The following STAG1 variants were observed in gnomAD, a reference collection of about 807,000 sequenced individuals.
STAG1 encodes the protein cohesin subunit SA-1.
Under a neutral mutation model 170.9 loss-of-function variants are expected in STAG1, and 26 were observed. The ratio of observed to expected loss-of-function variants is 0.15; its 90% confidence interval spans 0.11 to 0.21. STAG1 has a LOEUF of 0.21. STAG1 is among the 10% of genes least tolerant of loss of function. The probability of loss-of-function intolerance (pLI) is 1.00; values close to 1 mark genes in which losing one functional copy is unlikely to be tolerated. For synonymous variants in STAG1, 514 were observed against 497.7 expected, an observed-to-expected ratio of 1.03 and a Z score of -0.44; for missense variants, 964 against 1,509.5, an observed-to-expected ratio of 0.64 and a Z score of 5.99.
At chr3:136,596,146 G>A (rs1397504782) in intron 4 of STAG1, among the ~76,000 whole-genome samples, 1 of 152,184 alleles carries the variant, frequency 6.6e-6, no homozygotes, top group Non-Finnish European at 1.5e-5. Context: ...GGGTTTGAGA[G>A]GACTTCCTCC....
chr3:136,387,078 C>T (rs751907616), intron 22 of STAG1, among the ~76,000 whole-genome samples: 5 of 152,132 alleles, frequency 3.3e-5, no homozygotes, highest in Admixed American at 1.3e-4. Context: ...TAGGCAAATA[C>T]GTTTTTCTAA....
At chr3:136,444,861 A>AT (rs910078054) in intron 14 of STAG1, among the ~76,000 whole-genome samples, 6 of 151,094 alleles carry the variant, frequency 4.0e-5, no homozygotes, top group Non-Finnish European at 5.9e-5. Flanking sequence ...CTTCAGTGTG[A>AT]TTTTTTTTTC....
At chr3:136,389,101 T>G (rs1040601873) in intron 22 of STAG1, among the ~76,000 whole-genome samples, 2 of 152,168 alleles carry the variant, frequency 1.3e-5, no homozygotes, top group African/African-American at 4.8e-5. Context: ...TCTGATAAGC[T>G]TAGTGAAAAC....
chr3:136,531,369 A>G (rs1206068281), intron 6 of STAG1, among the ~76,000 whole-genome samples: 1 of 151,304 alleles, frequency 6.6e-6, no homozygotes, highest in Non-Finnish European at 1.5e-5. Flanking sequence ...TCAGGGATCT[A>G]GAACTGGAAA....
At chr3:136,341,399 A>G (rs767706048) in intron 31 of STAG1, 42 bp downstream of exon 31, 2 of 1,285,826 alleles carry the variant, frequency 1.6e-6, no homozygotes, top group East Asian at 4.6e-5. Context: ...GATGGGCATC[A>G]CATAGTTGTT....
intron 22 of STAG1, among the ~76,000 whole-genome samples, chr3:136,389,171 C>T (rs2086944222): frequency 6.6e-6 from 1 of 152,152 alleles, no homozygotes; most frequent in Admixed American, 6.6e-5. Flanking sequence ...TGCCTTGTTA[C>T]TTAGATCATG....
intron 7 of STAG1, among the ~76,000 whole-genome samples, chr3:136,516,731 A>G (rs1030820580): frequency 1.1e-4 from 16 of 152,362 alleles, no homozygotes; most frequent in Non-Finnish European, 1.6e-4. Context: ...TCATTAAAGA[A>G]TAATAGAATA....
intron 1 of STAG1, among the ~76,000 whole-genome samples, chr3:136,659,010 T>G (rs1219636484): frequency 6.6e-6 from 1 of 152,180 alleles, no homozygotes; most frequent in Non-Finnish European, 1.5e-5. Flanking sequence ...ATCTAATTCA[T>G]GTAACCAGAG....
In STAG1 at chr3:136,433,676, T is replaced by C; in HGVS notation, c.1547-17A>G. Reference sequence around the variant, plus strand: ...CAGACATTGCTAAGGTAAAACAAAATACATGAGCATGAGTAGACAGTTTTA... The same window carrying C: ...CAGACATTGCTAAGGTAAAACAAAACACATGAGCATGAGTAGACAGTTTTA... On this transcript the variant is annotated splice_polypyrimidine_tract_variant and intron_variant, in intron 15 of 33. Coordinates refer to ENST00000383202, the MANE Select transcript of STAG1 (RefSeq NM_005862.3). The C allele has an allele frequency of 6.5e-7, 1 of 1,546,720 alleles. No homozygotes were observed. Among genetic ancestry groups the C allele is most frequent in the East Asian group, 2.3e-5 (1 of 44,188 alleles).
chr3:136,607,780 G>A (rs1473551477), intron 3 of STAG1, among the ~76,000 whole-genome samples: 2 of 152,216 alleles, frequency 1.3e-5, no homozygotes, highest in Non-Finnish European at 2.9e-5. Flanking sequence ...TGGCTCCCAA[G>A]TCCTTATGAC....
chr3:136,621,266 A>G (rs868397221), intron 3 of STAG1, among the ~76,000 whole-genome samples: 3 of 152,248 alleles, frequency 2.0e-5, no homozygotes, highest in African/African-American at 7.2e-5. Context: ...AGTTTCTTTA[A>G]GGAGACAGTA....
Position 136,336,831 on chromosome 3 carries a change from A to ATGTT in STAG1, c.*1419_*1422dup, listed in dbSNP as rs1244031268. 2 of 152,272 alleles carry ATGTT rather than the reference A, an allele frequency of 1.3e-5. No homozygotes were observed. Among genetic ancestry groups the ATGTT allele is most frequent in the Admixed American group, 1.3e-4 (2 of 15,288 alleles). 9.4% of individuals were successfully genotyped at this position (152,272 alleles called of 1,614,324 possible). A position where few individuals can be genotyped will look rare whatever the true frequency, so the allele number is the denominator to read the frequency against. On this transcript the variant is annotated 3_prime_UTR_variant, in exon 34 of 34. Transcript: ENST00000383202. The stretch of plus-strand genomic sequence containing the variant: ...CACTGGGTGTGCAGAATTTTAAAAA[A>ATGTT]TGTTTTTCGTATTTGATAAAAAGGG...
intron 10 of STAG1, among the ~76,000 whole-genome samples, chr3:136,475,850 A>G (rs1488540003): frequency 6.6e-6 from 1 of 152,158 alleles, no homozygotes; most frequent in African/African-American, 2.4e-5. Context: ...GTGTTTCATC[A>G]CCAGTTCAAA....
chr3:136,354,284 T>C (rs1473426524), intron 28 of STAG1, among the ~76,000 whole-genome samples: 1 of 152,210 alleles, frequency 6.6e-6, no homozygotes, highest in Admixed American at 6.5e-5. Flanking sequence ...TAAATCAGGA[T>C]AGACCTTAGG....
intron 13 of STAG1, among the ~76,000 whole-genome samples, chr3:136,459,849 G>T (rs1025894430): frequency 9.5e-4 from 145 of 152,208 alleles, no homozygotes; most frequent in African/African-American, 3.4e-3. Flanking sequence ...GTACAGTACA[G>T]CTAAAGCAGT....
At chr3:136,643,305 T>C (rs1214357095) in intron 1 of STAG1, among the ~76,000 whole-genome samples, 1 of 152,186 alleles carries the variant, frequency 6.6e-6, no homozygotes, top group Non-Finnish European at 1.5e-5. Context: ...TAGATGAAAT[T>C]CCTGTATTTA....
At chr3:136,667,643 A>G (rs1325193242) in intron 1 of STAG1, among the ~76,000 whole-genome samples, 1 of 151,984 alleles carries the variant, frequency 6.6e-6, no homozygotes, top group African/African-American at 2.4e-5. Flanking sequence ...TTACAGGCAC[A>G]TGCCACCACG....
intron 3 of STAG1, among the ~76,000 whole-genome samples, chr3:136,613,147 C>CA (rs927742878): frequency 8.6e-5 from 13 of 151,008 alleles, no homozygotes; most frequent in South Asian, 4.2e-4. Flanking sequence ...ACTAAAAATA[C>CA]AAAAAAAATT....
intron 21 of STAG1, among the ~76,000 whole-genome samples, chr3:136,411,059 A>G (rs2087611594): frequency 1.3e-5 from 2 of 152,204 alleles, no homozygotes; most frequent in African/African-American, 4.8e-5. Context: ...TTAAAATAGT[A>G]CCTTGTATGT....
Sources: gnomAD v4.1 joint callset for allele counts (sites outside exome capture counted in the v4.1 genomes callset) on GRCh38, gnomAD v4.1.1 for gene constraint, MANE v1.5 for transcripts, NCBI Gene and HGNC (gene_info 2026-07-23, HGNC 2026-07-21) for gene names.